Variants in STKLD1 observed in about 807,000 individuals in gnomAD.
The protein encoded by STKLD1 is serine/threonine kinase like domain containing 1, also known as serine/threonine kinase-like domain-containing protein STKLD1.
A neutral mutation model predicts 80.4 loss-of-function variants in STKLD1; 79 were observed. That is an observed-to-expected ratio of 0.98 (90% CI 0.82 to 1.19). The LOEUF (loss-of-function observed/expected upper bound fraction) is 1.19. STKLD1 is among the 50% of genes most tolerant of loss of function. The pLI is 0.00. For synonymous variants in STKLD1, 393 were observed against 357.6 expected (o/e 1.10, Z -1.12); for missense variants, 841 against 856.0 (o/e 0.98, Z 0.22).
intron 11 of STKLD1, among the ~76,000 whole-genome samples, chr9:133,398,384 C>G (rs1838615314): frequency 6.6e-6 from 1 of 152,198 alleles, no homozygotes; most frequent in Non-Finnish European, 1.5e-5. Context: ...AACGGACACC[C>G]TGGTGTGTAT....
intron 10 of STKLD1, 107 bp from the exon 11 acceptor site, chr9:133,397,865 G>A (rs369488383): frequency 8.5e-6 from 7 of 820,668 alleles, no homozygotes; most frequent in Non-Finnish European, 9.8e-6. Context: ...CTGTGGATCT[G>A]AGGAGGGGAT....
At chr9:133,397,363 T>G (rs2130678523) in intron 10 of STKLD1, 69 bp downstream of exon 10, 1 of 1,594,810 alleles carries the variant, frequency 6.3e-7, no homozygotes, top group East Asian at 2.2e-5. Context: ...ATCCTATTGT[T>G]TAGTTCCAGA....
chr9:133,395,405 C>T (rs1838534526), intron 8 of STKLD1, among the ~76,000 whole-genome samples, 195 bp from the exon 9 acceptor site: 1 of 152,200 alleles, frequency 6.6e-6, no homozygotes, highest in South Asian at 2.1e-4. Context: ...CCGCTGGCTT[C>T]TCTGAAACTC....
chr9:133,392,920 G>GTGGA (rs1201207028), intron 7 of STKLD1, among the ~76,000 whole-genome samples: 20 of 121,274 alleles, frequency 1.6e-4, no homozygotes, highest in Non-Finnish European at 3.0e-4. Context: ...GGGTGGGTCA[G>GTGGA]TGGATGGATG....
rs1044548020 is a variant in STKLD1, at chr9:133,390,416, T to C, written c.468-265T>C. Among the ~76,000 whole-genome samples, 1 of 152,218 alleles carries C rather than the reference T, an allele frequency of 6.6e-6. No individual in the cohort carries two copies. Among genetic ancestry groups the C allele is most frequent in the Non-Finnish European group, 1.5e-5 (1 of 68,046 alleles). The stretch of plus-strand genomic sequence containing the variant: ...AGGGGCCTCTTCGGAGTGCTGGGTG[T>C]GTTCCTACTTGTGGTTGAGGATTTT... On this transcript the variant is annotated intron_variant, in intron 6 of 17. Coordinates refer to ENST00000371957, the MANE Select transcript of STKLD1 (RefSeq NM_153710.5). The surrounding 1 kb of genome is among the most constrained non-coding windows in gnomAD (Gnocchi z 5.1).
At chr9:133,393,444 G>GTGTGTGGGTGGATGGGTGAT (rs1207019437) in intron 7 of STKLD1, among the ~76,000 whole-genome samples, 95 of 146,266 alleles carry the variant, frequency 6.5e-4, no homozygotes, top group African/African-American at 2.2e-3. Context: ...GGATGGGTGA[G>GTGTGTGGGTGGATGGGTGAT]TGCATGGGTT....
At position 133,394,479 on chromosome 9, in the gene STKLD1, GGCCTCACCCT is replaced by G; in HGVS notation, c.702+76_702+85del. ...GCGCCCAGGCCTGGGGAAAAGGCTT[GGCCTCACCCT>G]GCCTCCCCTCTGCATCCCTTCCCCT... On this transcript the variant is annotated intron_variant, in intron 8 of 17. Transcript: ENST00000371957. The surrounding 1 kb of genome is among the most constrained non-coding windows in gnomAD (Gnocchi z 4.9). 1 of 1,142,008 alleles carries G rather than the reference GGCCTCACCCT, an allele frequency of 8.8e-7. No homozygotes were observed. Among genetic ancestry groups the G allele is most frequent in the Non-Finnish European group, 1.3e-6 (1 of 756,182 alleles). The allele number at this position is 1,142,008 out of a possible 1,614,324, so 70.7% of individuals were successfully genotyped here.
intron 9 of STKLD1, 92 bp from the exon 10 acceptor site, chr9:133,397,072 G>A (rs1040246644): frequency 1.3e-6 from 2 of 1,569,078 alleles, no homozygotes; most frequent in African/African-American, 2.7e-5. Context: ...CGCACCAATG[G>A]GCAGCCCGGA....
At chr9:133,404,511 C>T (rs1179004979) in intron 16 of STKLD1, among the ~76,000 whole-genome samples, 2 of 152,334 alleles carry the variant, frequency 1.3e-5, no homozygotes, top group African/African-American at 4.8e-5. Context: ...TGCCTGGCAA[C>T]TCCGGGCTCA....
At chr9:133,388,989 CCT>C in intron 5 of STKLD1, 1 of 985,432 alleles carries the variant, frequency 1.0e-6, no homozygotes, top group Non-Finnish European at 1.2e-6. Context: ...CCCCTCAGCC[CCT>C]CTCTGACACC....
intron 10 of STKLD1, among the ~76,000 whole-genome samples, chr9:133,397,710 A>G (rs1379640437): frequency 6.6e-6 from 1 of 152,072 alleles, no homozygotes; most frequent in Non-Finnish European, 1.5e-5. Flanking sequence ...GCGTGCTTCT[A>G]TGTGCCCAGG....
At chr9:133,399,733 G>C (rs950913424) in intron 11 of STKLD1, among the ~76,000 whole-genome samples, 1 of 152,204 alleles carries the variant, frequency 6.6e-6, no homozygotes, top group Admixed American at 6.5e-5. Context: ...ACAAAAATTA[G>C]CCAGACGTGG....
chr9:133,397,281 G>A lies in STKLD1; in HGVS notation c.984G>A (p.Val328=), dbSNP rs369938378. The change falls in exon 10 of 18, where the codon GTG becomes GTA. Residue 328 remains valine, a synonymous_variant. Coordinates refer to ENST00000371957, the MANE Select transcript of STKLD1 (RefSeq NM_153710.5). Reference sequence around the variant, plus strand: ...CCGACATGCTGTTAGAAGGCAACGTGGCCAGCATTTTAGGTGATGCTGGGG... The same window carrying A: ...CCGACATGCTGTTAGAAGGCAACGTAGCCAGCATTTTAGGTGATGCTGGGG... ...SITDMLLEGN[V]ASILEVMQKF... is the part of the protein sequence containing the mutation. 1 of 1,613,472 alleles carries A rather than the reference G, an allele frequency of 6.2e-7. No homozygotes were observed. Among genetic ancestry groups the A allele is most frequent in the Non-Finnish European group, 8.5e-7 (1 of 1,180,018 alleles).
chr9:133,397,859 G>A, intron 10 of STKLD1, 113 bp from the exon 11 acceptor site: 1 of 780,124 alleles, frequency 1.3e-6, no homozygotes, highest in Non-Finnish European at 2.1e-6. Flanking sequence ...CTGAACCTGT[G>A]GATCTGAGGA....
chr9:133,403,816 C>T lies in STKLD1; in HGVS notation c.1591C>T (p.Leu531=), dbSNP rs1554778168. 6.8e-6 allele frequency: 11 copies of T among 1,613,544 alleles called. No individual in the cohort carries two copies. Among genetic ancestry groups the T allele is most frequent in the Non-Finnish European group, 9.3e-6 (11 of 1,179,944 alleles). The stretch of plus-strand genomic sequence containing the variant: ...AGCCAGCTGCGGAGTCTTCTGGCTG[C>T]TGTCCCTGCTGGGTGAGCTGGGTGG... ...AEASCGVFWL[L]SLLGCIKEQQ... is the part of the protein sequence containing the mutation. Residue 531 remains leucine, a synonymous_variant, in exon 15 of 18, where the codon CTG becomes TTG. Coordinates refer to ENST00000371957, the MANE Select transcript of STKLD1 (RefSeq NM_153710.5).
intron 4 of STKLD1, among the ~76,000 whole-genome samples, chr9:133,386,080 G>A (rs1248233965): frequency 1.3e-5 from 2 of 152,068 alleles, no homozygotes; most frequent in Non-Finnish European, 2.9e-5. Context: ...CATGATGCCC[G>A]GCTAATTTTT....
In STKLD1 at chr9:133,376,453, C is replaced by G; in HGVS notation, c.-21C>G. 6.4e-7 allele frequency: 1 copy of G among 1,562,740 alleles called. No individual in the cohort carries two copies. Among genetic ancestry groups the G allele is most frequent in the Non-Finnish European group, 8.6e-7 (1 of 1,157,070 alleles). On this transcript the variant is annotated 5_prime_UTR_variant, in exon 1 of 18. Coordinates refer to ENST00000371957, the MANE Select transcript of STKLD1 (RefSeq NM_153710.5). ...GTGGGGCCAGGGGTGGACGCTCGCC[C>G]GTACGCGGTCGCTACTGATCATGCT...
At chr9:133,382,318 C>G (rs1313232846) in intron 2 of STKLD1, among the ~76,000 whole-genome samples, 1 of 152,208 alleles carries the variant, frequency 6.6e-6, no homozygotes, top group Non-Finnish European at 1.5e-5. Context: ...CTAAACTTAT[C>G]TTTGCAAAAG....
intron 10 of STKLD1, among the ~76,000 whole-genome samples, chr9:133,397,735 G>A (rs587717138): frequency 1.3e-5 from 2 of 152,208 alleles, no homozygotes; most frequent in East Asian, 3.9e-4. Context: ...GCAGAAGTGC[G>A]CTCCATCATC....
Sources: gnomAD v4.1 joint callset for allele counts (sites outside exome capture counted in the v4.1 genomes callset) on GRCh38, gnomAD v4.1.1 for gene constraint, Gnocchi (gnomAD v3.1) non-coding constraint, MANE v1.5 for transcripts, NCBI Gene and HGNC (gene_info 2026-07-23, HGNC 2026-07-21) for gene names.